The following COX5A variants were observed in gnomAD, a reference collection of about 807,000 sequenced individuals.
COX5A encodes the protein cytochrome c oxidase subunit 5A, mitochondrial.
COX5A carries 6 observed loss-of-function variants against 16.1 expected under a neutral mutation model. The observed-to-expected ratio is 0.37, with a 90% CI of 0.20 to 0.73. COX5A has a LOEUF of 0.73. Among genes scored for constraint, COX5A ranks in the 30% least tolerant of loss-of-function variants. COX5A has a pLI of 0.50. For missense variants in COX5A, 159 were observed against 194.9 expected (o/e 0.82, Z 1.10); for synonymous variants, 73 against 73.8 (o/e 0.99, Z 0.06).
At chr15:74,920,938 T>C (rs1595859981) in intron 4 of COX5A, among the ~76,000 whole-genome samples, 1 of 151,546 alleles carries the variant, frequency 6.6e-6, no homozygotes, top group Admixed American at 6.6e-5. Flanking sequence ...GATCGCTTCA[T>C]TGCACTTCAG....
intron 1 of COX5A, among the ~76,000 whole-genome samples, chr15:74,931,852 C>A (rs78132788): frequency 0.075 from 11,487 of 152,178 alleles, 1,191 homozygotes; most frequent in African/African-American, 0.23. Context: ...CTGCACCCAG[C>A]CCCATTTTTT....
At chr15:74,925,374 G>T (rs1400240477) in intron 3 of COX5A, among the ~76,000 whole-genome samples, 1 of 152,050 alleles carries the variant, frequency 6.6e-6, no homozygotes, top group Non-Finnish European at 1.5e-5. Context: ...ATCCTCCTAT[G>T]TTTTCATATA....
In COX5A at chr15:74,923,633, T is replaced by C; in HGVS notation, c.*9+15A>G. ...TGGATTGTTTTCCTGCCTTCTTCAG[T>C]GGTTTGTCGCTTACCCATGCGGTTT... On this transcript the variant is annotated intron_variant, in intron 4 of 4. Transcript: ENST00000322347. 7.0e-7 allele frequency: 1 copy of C among 1,429,562 alleles called. No homozygotes were observed. The highest frequency in any genetic ancestry group is 9.9e-7 in the Non-Finnish European group (1 of 1,013,854). 88.6% of individuals were successfully genotyped at this position (1,429,562 alleles called of 1,614,324 possible).
chr15:74,929,723 CAG>C (rs1354283584), intron 1 of COX5A, among the ~76,000 whole-genome samples: 1 of 152,126 alleles, frequency 6.6e-6, no homozygotes, highest in East Asian at 1.9e-4. Flanking sequence ...AACAATATGA[CAG>C]AACCTGATAA....
intron 3 of COX5A, 80 bp downstream of exon 3, chr15:74,926,686 T>C: frequency 6.9e-7 from 1 of 1,453,596 alleles, no homozygotes; most frequent in Non-Finnish European, 9.3e-7. Context: ...TTTAACAAAT[T>C]CAAAAATACA....
At chr15:74,922,292 C>A (rs2065324508) in intron 4 of COX5A, among the ~76,000 whole-genome samples, 1 of 148,072 alleles carries the variant, frequency 6.8e-6, no homozygotes, top group African/African-American at 2.5e-5. Context: ...GGCTGAGGTA[C>A]AAGAATCGGC....
intron 2 of COX5A, among the ~76,000 whole-genome samples, chr15:74,927,644 T>A (rs900384849): frequency 6.6e-6 from 1 of 151,980 alleles, no homozygotes; most frequent in African/African-American, 2.4e-5. Flanking sequence ...TGGTGGCACA[T>A]GCCTGTAATT....
At chr15:74,923,151 C>T (rs1355130356) in intron 4 of COX5A, among the ~76,000 whole-genome samples, 2 of 151,898 alleles carry the variant, frequency 1.3e-5, no homozygotes, top group Admixed American at 6.6e-5. Context: ...TGATGCCGGG[C>T]GCGGTGGCTC....
At chr15:74,929,024 G>A (rs1430021823) in intron 2 of COX5A, 92 bp downstream of exon 2, 8 of 883,542 alleles carry the variant, frequency 9.1e-6, no homozygotes, top group East Asian at 2.4e-5. Flanking sequence ...TTTAAACAAC[G>A]CATGTTTTCG....
In COX5A at chr15:74,938,037, C is replaced by G; in HGVS notation, c.-23G>C. The G allele has an allele frequency of 2.4e-6, 3 of 1,225,308 alleles. No homozygotes were observed. Among genetic ancestry groups the G allele is most frequent in the Non-Finnish European group, 3.1e-6 (3 of 982,856 alleles). The allele number at this position is 1,225,308 out of a possible 1,614,324, so 75.9% of individuals were successfully genotyped here. A position where few individuals can be genotyped will look rare whatever the true frequency, so the allele number is the denominator to read the frequency against. ...CATGACGGCGATGGCGGCGCGCGGG[C>G]TGAGGACAGAGAGAAGCCGGTGTAA... On this transcript the variant is annotated 5_prime_UTR_variant, in exon 1 of 5. Transcript: ENST00000322347.
intron 1 of COX5A, among the ~76,000 whole-genome samples, chr15:74,934,038 C>T (rs1268714186): frequency 6.6e-6 from 1 of 152,152 alleles, no homozygotes; most frequent in South Asian, 2.1e-4. Flanking sequence ...AAGGCAGGAT[C>T]GCTTGATGCC....
chr15:74,931,417 C>A (rs1484709330), intron 1 of COX5A, among the ~76,000 whole-genome samples: 1 of 152,018 alleles, frequency 6.6e-6, no homozygotes, highest in Non-Finnish European at 1.5e-5. Flanking sequence ...AGGAGAATCA[C>A]TCGAACCCAG....
intron 3 of COX5A, among the ~76,000 whole-genome samples, chr15:74,925,648 A>C (rs1342716814): frequency 6.6e-6 from 1 of 152,074 alleles, no homozygotes; most frequent in Non-Finnish European, 1.5e-5. Context: ...TCAGTCTCCC[A>C]AAGTGCTGGG....
intron 3 of COX5A, among the ~76,000 whole-genome samples, chr15:74,924,432 G>C (rs897106090): frequency 6.6e-6 from 1 of 151,688 alleles, no homozygotes; most frequent in Non-Finnish European, 1.5e-5. Flanking sequence ...AGCTACTCGG[G>C]AATGCTTGAA....
chr15:74,929,879 A>T (rs1235083088), intron 1 of COX5A, among the ~76,000 whole-genome samples: 1 of 146,570 alleles, frequency 6.8e-6, no homozygotes, highest in Non-Finnish European at 1.5e-5. Flanking sequence ...GGAGATCAAG[A>T]CCATCCTGGC....
rs143463775 is a variant in COX5A at position 74,931,102 on chromosome 15, A to C, written c.101-1870T>G. Among the ~76,000 whole-genome samples, 42 of 152,078 alleles carry C rather than the reference A, an allele frequency of 2.8e-4. No individual in the cohort carries two copies. In the East Asian group the frequency reaches 8.1e-3, roughly 29 times the overall value. On this transcript the variant is annotated intron_variant, in intron 1 of 4. Transcript: ENST00000322347. ...ACACATCCTGACAAATTACACATAC[A>C]AATTGCTTTATCAAACTACAGCCCC...
In COX5A at chr15:74,920,438, C is replaced by A. The variant is rs1326430288; in HGVS notation, c.*14G>T. Reference sequence around the variant, plus strand: ...CAATGTCAATAAATCCTTGGGGAAGCCCATCTGTAAGAGAAAACACAAAGA... The same window carrying A: ...CAATGTCAATAAATCCTTGGGGAAGACCATCTGTAAGAGAAAACACAAAGA... On this transcript the variant is annotated 3_prime_UTR_variant, in exon 5 of 5. Transcript: ENST00000322347. 1 of 690,682 alleles carries A rather than the reference C, an allele frequency of 1.4e-6. No individual in the cohort carries two copies. The highest frequency in any genetic ancestry group is 1.8e-5 in the African/African-American group (1 of 56,662). The allele number at this position is 690,682 out of a possible 1,614,324, so 42.8% of individuals were successfully genotyped here. A position where few individuals can be genotyped will look rare whatever the true frequency, so the allele number is the denominator to read the frequency against.
At chr15:74,931,226 C>T (rs1056201185) in intron 1 of COX5A, among the ~76,000 whole-genome samples, 3 of 151,906 alleles carry the variant, frequency 2.0e-5, no homozygotes, top group South Asian at 2.1e-4. Flanking sequence ...TTGGGCTGGG[C>T]GCAGTGGCTC....
At chr15:74,933,177 G>T (rs2065374290) in intron 1 of COX5A, among the ~76,000 whole-genome samples, 1 of 151,760 alleles carries the variant, frequency 6.6e-6, no homozygotes, top group African/African-American at 2.4e-5. Flanking sequence ...ACTTTGGGAG[G>T]CTGAGGCAGG....
Sources: gnomAD v4.1 joint callset for allele counts (sites outside exome capture counted in the v4.1 genomes callset) on GRCh38, gnomAD v4.1.1 for gene constraint, MANE v1.5 for transcripts, NCBI Gene and HGNC (gene_info 2026-07-23, HGNC 2026-07-21) for gene names.